The following DLGAP2 variants were observed in gnomAD, a reference collection of about 807,000 sequenced individuals.
DLGAP2 encodes the protein disks large-associated protein 2.
DLGAP2 carries 26 observed loss-of-function variants against 100.3 expected under a neutral mutation model. The ratio of observed to expected loss-of-function variants is 0.26; its 90% confidence interval spans 0.19 to 0.36. The LOEUF (loss-of-function observed/expected upper bound fraction) is 0.36. DLGAP2 is among the 10% of genes least tolerant of loss of function. DLGAP2 has a pLI of 1.00. For missense variants in DLGAP2, 1,858 were observed against 1,453.2 expected, an observed-to-expected ratio of 1.28 and a Z score of -4.53; for synonymous variants, 886 against 630.1, an observed-to-expected ratio of 1.41 and a Z score of -6.08.
chr8:921,897 C>T (rs573380833), intron 2 of DLGAP2, among the ~76,000 whole-genome samples: 1 of 152,256 alleles, frequency 6.6e-6, no homozygotes, highest in African/African-American at 2.4e-5. Flanking sequence ...GACGGCGAGA[C>T]GTTCGGGCAG....
At chr8:743,589 G>A (rs988307766) in intron 1 of DLGAP2, among the ~76,000 whole-genome samples, 2 of 152,050 alleles carry the variant, frequency 1.3e-5, no homozygotes, top group African/African-American at 2.4e-5. Flanking sequence ...ATTTAGAGAC[G>A]GTCTCACTCC....
At chr8:1,271,760 A>G (rs987198581) in intron 3 of DLGAP2, among the ~76,000 whole-genome samples, 1 of 152,188 alleles carries the variant, frequency 6.6e-6, no homozygotes, top group East Asian at 1.9e-4. Flanking sequence ...GTTGTTTAAG[A>G]TGAATAAATT....
rs116906278 is a variant in DLGAP2, at chr8:829,654, C to G, written c.19-78258C>G. ...CAAACTATGTAAGCCATATGTCTTA[C>G]CATAGAAAAATTAACAAACAAAATG... On this transcript the variant is annotated intron_variant, in intron 1 of 14. Coordinates refer to ENST00000637795, the MANE Select transcript of DLGAP2 (RefSeq NM_001346810.2). 4.6e-3 allele frequency among the ~76,000 whole-genome samples: 692 copies of G among 152,074 alleles called. 1 individual carries two copies. Among genetic ancestry groups the G allele is most frequent in the Non-Finnish European group, 7.4e-3 (503 of 67,996 alleles).
chr8:886,347 C>T lies in DLGAP2; in HGVS notation c.19-21565C>T, dbSNP rs7008532. 2.8e-3 allele frequency among the ~76,000 whole-genome samples: 423 copies of T among 151,350 alleles called. 2 individuals are homozygous for T. The highest frequency in any genetic ancestry group is 8.8e-3 in the African/African-American group (361 of 41,228). Reference sequence around the variant, plus strand: ...AGCTCCTGGATTTGTTGATTTTTTTCGGACCATTTTTCATCTATCTCCTTA... The same window carrying T: ...AGCTCCTGGATTTGTTGATTTTTTTTGGACCATTTTTCATCTATCTCCTTA... On this transcript the variant is annotated intron_variant, in intron 1 of 14. Coordinates refer to ENST00000637795, the MANE Select transcript of DLGAP2 (RefSeq NM_001346810.2).
intron 2 of DLGAP2, among the ~76,000 whole-genome samples, chr8:1,164,661 C>T (rs1184029398): frequency 1.3e-5 from 2 of 152,210 alleles, no homozygotes; most frequent in Non-Finnish European, 2.9e-5. Flanking sequence ...AAGGCCCTTG[C>T]CTGAAATTGA....
intron 2 of DLGAP2, among the ~76,000 whole-genome samples, chr8:979,324 G>A (rs76329297): frequency 2.8e-3 from 428 of 152,276 alleles, no homozygotes; most frequent in African/African-American, 9.3e-3. Context: ...TAAGACTGAT[G>A]GGAATCTCAG....
chr8:1,530,529 T>C (rs964805125), intron 4 of DLGAP2, among the ~76,000 whole-genome samples: 56 of 152,190 alleles, frequency 3.7e-4, no homozygotes, highest in African/African-American at 1.3e-3. Flanking sequence ...CGACATACAT[T>C]CTCCTCAGCT....
intron 4 of DLGAP2, among the ~76,000 whole-genome samples, chr8:1,532,702 TAG>T (rs772607725): frequency 6.6e-6 from 1 of 152,252 alleles, no homozygotes; most frequent in Non-Finnish European, 1.5e-5. Flanking sequence ...TAATTTACAA[TAG>T]AGTTACTTTT....
Position 880,550 on chromosome 8 carries a change from C to G in DLGAP2, c.19-27362C>G, listed in dbSNP as rs554765044. ...GTGTCCCCTCTCCAGCCCTTGCCTGCGACATGGCATCCGTGCTGGGGAGAC... is the reference window on the plus strand; with the variant it reads ...GTGTCCCCTCTCCAGCCCTTGCCTGGGACATGGCATCCGTGCTGGGGAGAC... On this transcript the variant is annotated intron_variant, in intron 1 of 14. Transcript: ENST00000637795. 6.0e-5 allele frequency among the ~76,000 whole-genome samples: 9 copies of G among 149,660 alleles called. No individual in the cohort carries two copies. The South Asian group carries it at 2.0e-3, about 33-fold the overall frequency.
intron 6 of DLGAP2, among the ~76,000 whole-genome samples, chr8:1,573,403 G>A (rs1802829460): frequency 6.9e-6 from 1 of 144,914 alleles, no homozygotes; most frequent in African/African-American, 2.6e-5. Flanking sequence ...GGGGTGAACT[G>A]TGGGGGCGTC....
chr8:1,558,078 A>T (rs1802026662), intron 5 of DLGAP2, among the ~76,000 whole-genome samples: 1 of 152,144 alleles, frequency 6.6e-6, no homozygotes, highest in Non-Finnish European at 1.5e-5. Context: ...TGGAGCAGGC[A>T]CCTTGGTCCT....
At chr8:1,095,095 G>C (rs146757045) in intron 2 of DLGAP2, among the ~76,000 whole-genome samples, 4 of 140,420 alleles carry the variant, frequency 2.8e-5, no homozygotes, top group Non-Finnish European at 4.6e-5. Context: ...GACAGCCTGG[G>C]GCAGCAGCCT....
intron 2 of DLGAP2, among the ~76,000 whole-genome samples, chr8:1,134,507 G>GT (rs36058553): frequency 0.89 from 135,508 of 152,088 alleles, 60,487 homozygotes; most frequent in Middle Eastern, 0.92. Context: ...TATTTTTTGA[G>GT]TTTTAGTAAT....
chr8:953,217 T>G (rs1799522542), intron 2 of DLGAP2, among the ~76,000 whole-genome samples: 1 of 152,114 alleles, frequency 6.6e-6, no homozygotes, highest in African/African-American at 2.4e-5. Context: ...TTTTTTGAGA[T>G]GGAGTTTCGC....
intron 1 of DLGAP2, among the ~76,000 whole-genome samples, chr8:764,614 A>G (rs1185792225): frequency 1.3e-5 from 2 of 152,162 alleles, no homozygotes; most frequent in Non-Finnish European, 2.9e-5. Context: ...GTAATAAAAA[A>G]TCACCCTCAT....
intron 3 of DLGAP2, among the ~76,000 whole-genome samples, chr8:1,496,169 C>G (rs939992261): frequency 5.3e-5 from 8 of 152,194 alleles, no homozygotes; most frequent in African/African-American, 1.9e-4. Flanking sequence ...ACAATCATTT[C>G]TTTCCTCTCT....
At chr8:753,912 A>C (rs1820855491) in intron 1 of DLGAP2, 1 of 152,248 alleles carries the variant, frequency 6.6e-6, no homozygotes, top group Admixed American at 6.5e-5. Flanking sequence ...TGATTGCCGC[A>C]GGAAGGGCCT....
intron 1 of DLGAP2, among the ~76,000 whole-genome samples, chr8:907,221 A>C (rs1374055272): frequency 1.3e-5 from 2 of 152,242 alleles, no homozygotes; most frequent in African/African-American, 4.8e-5. Flanking sequence ...CGTGTGGAGT[A>C]TTTAGGATAA....
At chr8:1,355,656 C>G (rs1472729637) in intron 3 of DLGAP2, among the ~76,000 whole-genome samples, 1 of 152,142 alleles carries the variant, frequency 6.6e-6, no homozygotes, top group Non-Finnish European at 1.5e-5. Context: ...AGCCACCGCA[C>G]CTGGCCAAGT....
Sources: gnomAD v4.1 joint callset for allele counts (sites outside exome capture counted in the v4.1 genomes callset) on GRCh38, gnomAD v4.1.1 for gene constraint, MANE v1.5 for transcripts, NCBI Gene and HGNC (gene_info 2026-07-23, HGNC 2026-07-21) for gene names.